CTHRC1: variants seen among roughly 807,000 people sequenced by gnomAD.
CTHRC1 encodes the protein collagen triple helix repeat containing 1.
In CTHRC1, 21 loss-of-function variants were observed where a neutral mutation model predicts 25.9. The ratio of observed to expected loss-of-function variants is 0.81; its 90% CI spans 0.57 to 1.17. The LOEUF is 1.17. CTHRC1 is among the 50% of genes most tolerant of loss of function. The pLI is 0.00. For missense variants in CTHRC1, 281 were observed against 304.3 expected, an observed-to-expected ratio of 0.92 and a Z score of 0.57; for synonymous variants, 109 against 113.1, an observed-to-expected ratio of 0.96 and a Z score of 0.23.
At chr8:103,380,417 CAG>C (rs1471154934) in intron 3 of CTHRC1, among the ~76,000 whole-genome samples, 1 of 152,132 alleles carries the variant, frequency 6.6e-6, no homozygotes, top group African/African-American at 2.4e-5. Flanking sequence ...ACCTCTGTAA[CAG>C]AATCACTTTT....
chr8:103,382,661 T>C lies in CTHRC1; in HGVS notation c.*61T>C, dbSNP rs1815934991. On this transcript the variant is annotated 3_prime_UTR_variant, in exon 4 of 4. Transcript: ENST00000330295. Reference sequence around the variant, plus strand: ...TATGCCTTGGAATGGTTCACTTAAATGACATTTTAAATAAGTTTATGTATA... The same window carrying C: ...TATGCCTTGGAATGGTTCACTTAAACGACATTTTAAATAAGTTTATGTATA... The C allele has an allele frequency of 4.9e-6, 7 of 1,414,590 alleles. No individual in the cohort carries two copies. Among genetic ancestry groups the C allele is most frequent in the Non-Finnish European group, 7.0e-6 (7 of 999,244 alleles). The allele number at this position is 1,414,590 out of a possible 1,614,324, so 87.6% of individuals were successfully genotyped here. A position where few individuals can be genotyped will look rare whatever the true frequency, so the allele number is the denominator to read the frequency against.
chr8:103,381,477 TAA>T (rs1461282910), intron 3 of CTHRC1, among the ~76,000 whole-genome samples: 1 of 59,992 alleles, frequency 1.7e-5, no homozygotes, highest in Admixed American at 1.6e-4. Context: ...TTTTTTAATT[TAA>T]GAGAAGACTT....
At chr8:103,381,113 ATACTT>A (rs1427996650) in intron 3 of CTHRC1, among the ~76,000 whole-genome samples, 1 of 152,024 alleles carries the variant, frequency 6.6e-6, no homozygotes, top group Admixed American at 6.6e-5. Context: ...TATTATTATT[ATACTT>A]TAAGTTCTAG....
chr8:103,379,529 T>C (rs1292250236), intron 3 of CTHRC1, among the ~76,000 whole-genome samples: 1 of 152,156 alleles, frequency 6.6e-6, no homozygotes, highest in East Asian at 1.9e-4. Context: ...TATCAATATT[T>C]TGTTGTCAGC....
Position 103,375,957 on chromosome 8 carries a change from G to A in CTHRC1, c.370G>A (p.Ala124Thr), listed in dbSNP as rs764820491. The A allele has an allele frequency of 8.1e-6, 13 of 1,610,416 alleles. No individual in the cohort carries two copies. Among genetic ancestry groups the A allele is most frequent in the Non-Finnish European group, 1.1e-5 (13 of 1,177,102 alleles). The change falls in exon 2 of 4, where the codon GCG (alanine) becomes ACG (threonine). Residue 124 changes from alanine to threonine, a missense_variant and splice_region_variant. Transcript: ENST00000330295. ...LNYGIDLGKI[A>T]ECTFTKMRSN... is the part of the protein sequence containing the mutation. ...TTATGGCATAGATCTTGGGAAAATT[G>A]CGGTAAGTTTGAATTATTTTAAAAT...
intron 2 of CTHRC1, among the ~76,000 whole-genome samples, chr8:103,376,527 G>A (rs1054021429): frequency 4.6e-5 from 7 of 152,174 alleles, no homozygotes; most frequent in South Asian, 2.1e-4. Flanking sequence ...TAGCCTGTCC[G>A]GTCATGTATT....
At chr8:103,372,438 GT>G in intron 1 of CTHRC1, 1 of 1,521,984 alleles carries the variant, frequency 6.6e-7, no homozygotes, top group East Asian at 2.4e-5. Flanking sequence ...GGTTCAGAAG[GT>G]TTAAGGCCGG....
Position 103,371,700 on chromosome 8 carries a change from G to T in CTHRC1, c.44G>T (p.Gly15Val). 1 of 1,533,790 alleles carries T rather than the reference G, an allele frequency of 6.5e-7. No homozygotes were observed. The highest frequency in any genetic ancestry group is 8.8e-7 in the Non-Finnish European group (1 of 1,141,022). Residue 15 changes from glycine (G) to valine (V), a missense_variant, in exon 1 of 4, where the codon GGC becomes GTC. Gly to Val is a moderately radical substitution (Grantham distance 109, BLOSUM62 -3). Transcript: ENST00000330295. ...GPAASPQRLR[G>V]LLLLLLLQLP... Reference sequence around the variant, plus strand: ...GCCGCCTCCCCGCAGCGGCTCCGCGGCCTCCTGCTGCTCCTGCTGCTGCAG... The same window carrying T: ...GCCGCCTCCCCGCAGCGGCTCCGCGTCCTCCTGCTGCTCCTGCTGCTGCAG...
chr8:103,371,612 G>T lies in CTHRC1; in HGVS notation c.-45G>T, dbSNP rs1018465649. The stretch of plus-strand genomic sequence containing the variant: ...AGACGCTGACCACGTTCCTCTCCTC[G>T]GTCTCCTCCGCCTCCAGCTCCGCGC... On this transcript the variant is annotated 5_prime_UTR_variant, in exon 1 of 4. Coordinates refer to ENST00000330295, the MANE Select transcript of CTHRC1 (RefSeq NM_138455.4). The T allele has an allele frequency of 5.9e-6, 9 of 1,523,836 alleles. No homozygotes were observed. In the Admixed American group the frequency reaches 1.2e-4, roughly 21 times the overall value. 94.4% of individuals were successfully genotyped at this position (1,523,836 alleles called of 1,614,324 possible).
At position 103,375,958 on chromosome 8, in the gene CTHRC1, C is replaced by T. The variant is rs374084026; in HGVS notation, c.371C>T (p.Ala124Val). ...TATGGCATAGATCTTGGGAAAATTG[C>T]GGTAAGTTTGAATTATTTTAAAATT... ...LNYGIDLGKI[A>V]ECTFTKMRSN... The change falls in exon 2 of 4, where the codon GCG becomes GTG. Residue 124 changes from alanine to valine, a missense_variant and splice_region_variant. Transcript: ENST00000330295. 52 of 1,608,254 alleles carry T rather than the reference C, an allele frequency of 3.2e-5. No individual in the cohort carries two copies. The highest frequency in any genetic ancestry group is 2.8e-4 in the Admixed American group (17 of 59,722).
intron 3 of CTHRC1, among the ~76,000 whole-genome samples, chr8:103,381,006 A>G (rs1016253918): frequency 1.3e-5 from 2 of 152,218 alleles, no homozygotes; most frequent in African/African-American, 4.8e-5. Flanking sequence ...TCTGGGTCTC[A>G]GCAGGAATGC....
At chr8:103,380,349 A>G (rs1000206159) in intron 3 of CTHRC1, among the ~76,000 whole-genome samples, 2 of 152,222 alleles carry the variant, frequency 1.3e-5, no homozygotes, top group Admixed American at 6.5e-5. Flanking sequence ...AGTTGGGTGG[A>G]GTGTCACAAG....
rs1282183262 is a variant in CTHRC1, at chr8:103,371,590, C to G, written c.-67C>G. On this transcript the variant is annotated 5_prime_UTR_variant, in exon 1 of 4. Coordinates refer to ENST00000330295, the MANE Select transcript of CTHRC1 (RefSeq NM_138455.4). ...GGCCTCGGAGCGCGGCGGAGCCAGA[C>G]GCTGACCACGTTCCTCTCCTCGGTC... is the stretch of plus-strand genomic sequence containing the variant. The G allele has an allele frequency of 6.7e-7, 1 of 1,502,586 alleles. No individual in the cohort carries two copies. The highest frequency in any genetic ancestry group is 8.9e-7 in the Non-Finnish European group (1 of 1,123,476). 93.1% of individuals were successfully genotyped at this position (1,502,586 alleles called of 1,614,324 possible).
At chr8:103,372,197 G>GAAAAACC (rs1459262688) in intron 1 of CTHRC1, among the ~76,000 whole-genome samples, 3 of 152,162 alleles carry the variant, frequency 2.0e-5, no homozygotes, top group African/African-American at 7.2e-5. Context: ...GTGGACCTGG[G>GAAAAACC]AAAAACCCTG....
chr8:103,375,390 G>A (rs1471914413), intron 1 of CTHRC1, among the ~76,000 whole-genome samples: 1 of 152,124 alleles, frequency 6.6e-6, no homozygotes, highest in Admixed American at 6.5e-5. Context: ...GCAAGATACA[G>A]AGTTAGAAGA....
chr8:103,376,462 ATTATT>A (rs1815809810), intron 2 of CTHRC1, among the ~76,000 whole-genome samples: 1 of 152,216 alleles, frequency 6.6e-6, no homozygotes, highest in Admixed American at 6.5e-5. Flanking sequence ...TACTACAGTG[ATTATT>A]TTAAGTTATT....
intron 2 of CTHRC1, among the ~76,000 whole-genome samples, chr8:103,377,630 G>C (rs1201158884): frequency 6.6e-6 from 1 of 152,110 alleles, no homozygotes; most frequent in Non-Finnish European, 1.5e-5. Context: ...TTGAGACAGA[G>C]TCTCACTTTT....
intron 1 of CTHRC1, among the ~76,000 whole-genome samples, chr8:103,374,338 G>A (rs1327363969): frequency 1.3e-5 from 2 of 152,104 alleles, no homozygotes; most frequent in Non-Finnish European, 2.9e-5. Flanking sequence ...AAGAAACTTT[G>A]TTTTTTGTTT....
chr8:103,372,314 A>G, intron 1 of CTHRC1: 3 of 717,074 alleles, frequency 4.2e-6, no homozygotes, highest in Non-Finnish European at 4.1e-6. Flanking sequence ...AACCCCCACA[A>G]AGCATCCGTC....
Sources: allele counts gnomAD v4.1 joint callset (sites outside exome capture counted in the v4.1 genomes callset), GRCh38; gene constraint gnomAD v4.1.1; transcripts MANE v1.5; gene names NCBI Gene and HGNC (gene_info 2026-07-23, HGNC 2026-07-21).